CCDC18: variants seen among roughly 807,000 people sequenced by gnomAD.
CCDC18 encodes the protein coiled-coil domain-containing protein 18.
CCDC18 carries 157 observed loss-of-function variants against 196.0 expected under a neutral mutation model. The ratio of observed to expected loss-of-function variants is 0.80; its 90% CI spans 0.70 to 0.91. The LOEUF is 0.91. Ranked by LOEUF, CCDC18 falls within the 40% of genes least tolerant of loss-of-function variation. The probability of loss-of-function intolerance (pLI) is 0.00; values close to 1 mark genes in which losing one functional copy is unlikely to be tolerated. For synonymous variants in CCDC18, 482 were observed against 529.2 expected (o/e 0.91, Z 1.22); for missense variants, 1,465 against 1,611.6 (o/e 0.91, Z 1.56).
In CCDC18 at chr1:93,271,961, G is replaced by A. The variant is rs191231122; in HGVS notation, c.4353+1147G>A. On this transcript the variant is annotated intron_variant, in intron 28 of 28. Coordinates refer to ENST00000690025, the MANE Select transcript of CCDC18 (RefSeq NM_001378204.1). ...TTACTTTCTCACTTTTCTGCTCCTC[G>A]TATTCCTTATGTTCCACAATATAGG... Among the ~76,000 whole-genome samples, 60 of 151,870 alleles carry A rather than the reference G, an allele frequency of 4.0e-4. No homozygotes were observed. The East Asian group carries it at 8.3e-3, about 21-fold the overall frequency.
chr1:93,217,916 C>T (rs1027092653), intron 14 of CCDC18, 47 bp downstream of exon 14: 5 of 1,445,590 alleles, frequency 3.5e-6, no homozygotes, highest in South Asian at 1.3e-5. Context: ...GAAACTTAAA[C>T]ATTACTAGCC....
At position 93,239,668 on chromosome 1, in the gene CCDC18, C is replaced by T; in HGVS notation, c.2768-15C>T. 2 of 1,531,386 alleles carry T rather than the reference C, an allele frequency of 1.3e-6. No individual in the cohort carries two copies. The highest frequency in any genetic ancestry group is 1.8e-6 in the Non-Finnish European group (2 of 1,115,782). 94.9% of individuals were successfully genotyped at this position (1,531,386 alleles called of 1,614,324 possible). On this transcript the variant is annotated splice_polypyrimidine_tract_variant and intron_variant, in intron 20 of 28. Coordinates refer to ENST00000690025, the MANE Select transcript of CCDC18 (RefSeq NM_001378204.1). ...GTTTACATATAGTTATAAAATTATT[C>T]TCTCCTCTTAATAGTAAAGGAGTTA...
chr1:93,264,911 C>T lies in CCDC18; in HGVS notation c.3885+10C>T, dbSNP rs773890991. The T allele has an allele frequency of 1.3e-5, 20 of 1,523,478 alleles. No individual in the cohort carries two copies. The highest frequency in any genetic ancestry group is 9.0e-5 in the South Asian group (8 of 88,992). 94.4% of individuals were successfully genotyped at this position (1,523,478 alleles called of 1,614,324 possible). On this transcript the variant is annotated intron_variant, in intron 27 of 28. Transcript: ENST00000690025. The stretch of plus-strand genomic sequence containing the variant: ...AGCATTACTTACTAAAGTAAGTAAA[C>T]ATATAAAAGTAATAAAGCATATCTA...
chr1:93,244,243 C>T (rs1570542822), intron 21 of CCDC18, among the ~76,000 whole-genome samples: 1 of 152,252 alleles, frequency 6.6e-6, no homozygotes, highest in East Asian at 1.9e-4. Context: ...TTCACTGTCA[C>T]AAGAATAGCC....
intron 17 of CCDC18, 126 bp downstream of exon 17, chr1:93,226,575 C>T (rs72717341): frequency 4.7e-4 from 149 of 314,372 alleles, no homozygotes; most frequent in Middle Eastern, 2.2e-3. Context: ...CCCATGTTGC[C>T]CAGGCTGGAG....
chr1:93,270,949 T>A lies in CCDC18; in HGVS notation c.4353+135T>A, dbSNP rs191092123. 1.8e-5 allele frequency: 25 copies of A among 1,390,562 alleles called. No homozygotes were observed. In the East Asian group the frequency reaches 6.4e-4, roughly 36 times the overall value. 86.1% of individuals were successfully genotyped at this position (1,390,562 alleles called of 1,614,324 possible). A position where few individuals can be genotyped will look rare whatever the true frequency, so the allele number is the denominator to read the frequency against. Reference sequence around the variant, plus strand: ...AAGGAAGATTTTACATTTTATACATTAAGTAAAATCAATACCAAAAGACAT... The same window carrying A: ...AAGGAAGATTTTACATTTTATACATAAAGTAAAATCAATACCAAAAGACAT... On this transcript the variant is annotated intron_variant, in intron 28 of 28. Coordinates refer to ENST00000690025, the MANE Select transcript of CCDC18 (RefSeq NM_001378204.1).
At chr1:93,185,081 C>T (rs762165262) in intron 3 of CCDC18, among the ~76,000 whole-genome samples, 4 of 151,682 alleles carry the variant, frequency 2.6e-5, no homozygotes, top group Non-Finnish European at 4.4e-5. Flanking sequence ...AAGACATGAA[C>T]GGAAAAAGAA....
chr1:93,232,645 A>T (rs749470984), intron 18 of CCDC18, 52 bp downstream of exon 18: 125 of 1,345,898 alleles, frequency 9.3e-5, no homozygotes, highest in Admixed American at 2.0e-4. Flanking sequence ...AGAAATTTTT[A>T]AAATCATGAA....
At chr1:93,275,770 A>G (rs1314765619) in intron 28 of CCDC18, among the ~76,000 whole-genome samples, 2 of 152,226 alleles carry the variant, frequency 1.3e-5, no homozygotes, top group Non-Finnish European at 2.9e-5. Flanking sequence ...TGCCCTAGCT[A>G]TCATCCTCTT....
chr1:93,190,932 C>G, intron 4 of CCDC18: 1 of 799,704 alleles, frequency 1.3e-6, no homozygotes, highest in Non-Finnish European at 2.2e-6. Flanking sequence ...CACTCTGCTT[C>G]CTGTCATATC....
At chr1:93,271,207 C>T in intron 28 of CCDC18, 1 of 985,290 alleles carries the variant, frequency 1.0e-6, no homozygotes, top group Non-Finnish European at 1.2e-6. Flanking sequence ...TTCATTTGGG[C>T]TCTGTATGTC....
chr1:93,193,682 G>A lies in CCDC18; in HGVS notation c.636G>A (p.Glu212=). The A allele has an allele frequency of 6.3e-7, 1 of 1,590,094 alleles. No individual in the cohort carries two copies. The highest frequency in any genetic ancestry group is 8.5e-7 in the Non-Finnish European group (1 of 1,170,108). ...MVIEKEQSLQ[E]SKEECIKLKV... is the part of the protein sequence containing the mutation. ...TTGAAAAGGAACAGAGTTTGCAGGA[G>A]TCCAAAGAGGAATGTATAAAATTAA... is the stretch of plus-strand genomic sequence containing the variant. The change falls in exon 6 of 29, where the codon GAG becomes GAA. Residue 212 remains glutamate, a synonymous_variant. Coordinates refer to ENST00000690025, the MANE Select transcript of CCDC18 (RefSeq NM_001378204.1).
chr1:93,223,882 T>G (rs59103564), intron 16 of CCDC18, among the ~76,000 whole-genome samples: 117 of 145,866 alleles, frequency 8.0e-4, no homozygotes, highest in African/African-American at 2.8e-3. Flanking sequence ...TTGTTTTTGT[T>G]TTGATTTCAT....
At chr1:93,277,837 T>C (rs1180925951) in intron 28 of CCDC18, among the ~76,000 whole-genome samples, 1 of 152,168 alleles carries the variant, frequency 6.6e-6, no homozygotes, top group Non-Finnish European at 1.5e-5. Flanking sequence ...TCATCATCCT[T>C]GTTTATTGTG....
chr1:93,276,246 G>A (rs1665615865), intron 28 of CCDC18, among the ~76,000 whole-genome samples: 1 of 152,236 alleles, frequency 6.6e-6, no homozygotes, highest in Admixed American at 6.5e-5. Context: ...TAATGGTTAA[G>A]TACGTTGGCA....
At chr1:93,277,198 G>C (rs1439178658) in intron 28 of CCDC18, among the ~76,000 whole-genome samples, 1 of 32,670 alleles carries the variant, frequency 3.1e-5, no homozygotes, top group African/African-American at 2.9e-4. Context: ...TCAGTAGATG[G>C]AGCATACAAT....
chr1:93,180,425 A>T (rs909676757), upstream of CCDC18: 4 of 1,265,046 alleles, frequency 3.2e-6, no homozygotes, highest in Non-Finnish European at 4.3e-6. Context: ...AAGGGTAGGG[A>T]CTCTGGGCGG....
chr1:93,238,101 G>A (rs934281778), intron 19 of CCDC18, among the ~76,000 whole-genome samples: 1 of 152,022 alleles, frequency 6.6e-6, no homozygotes, highest in African/African-American at 2.4e-5. Context: ...TTGAGTCCTT[G>A]TATATTTTCT....
Position 93,254,362 on chromosome 1 carries a change from AT to A in CCDC18, c.3199-105del, listed in dbSNP as rs1274454779. The stretch of plus-strand genomic sequence containing the variant: ...GATACGATTGCCTTAACCTATTTAT[AT>A]TTTGCTTTTAGATATGAGTGTTTAA... On this transcript the variant is annotated intron_variant, in intron 23 of 28. Coordinates refer to ENST00000690025, the MANE Select transcript of CCDC18 (RefSeq NM_001378204.1). 37 of 744,674 alleles carry A rather than the reference AT, an allele frequency of 5.0e-5. 1 individual carries two copies. Among genetic ancestry groups the A allele is most frequent in the Middle Eastern group, 4.0e-4 (1 of 2,484 alleles). The allele number at this position is 744,674 out of a possible 1,614,324, so 46.1% of individuals were successfully genotyped here.
Sources: gnomAD v4.1 joint callset for allele counts (sites outside exome capture counted in the v4.1 genomes callset) on GRCh38, gnomAD v4.1.1 for gene constraint, MANE v1.5 for transcripts, NCBI Gene and HGNC (gene_info 2026-07-23, HGNC 2026-07-21) for gene names.